The following LAPTM4B variants were observed in gnomAD, a reference collection of about 807,000 sequenced individuals.
LAPTM4B encodes the protein lysosomal-associated transmembrane protein 4B.
A neutral mutation model predicts 28.5 loss-of-function variants in LAPTM4B; 26 were observed. That is an observed-to-expected ratio of 0.91 (90% CI 0.67 to 1.27). LAPTM4B has a LOEUF of 1.27. Among genes scored for constraint, LAPTM4B ranks in the 50% most tolerant of loss-of-function variants. LAPTM4B has a pLI of 0.00. For missense variants in LAPTM4B, 288 were observed against 285.8 expected (o/e 1.01, Z -0.06); for synonymous variants, 109 against 106.4 (o/e 1.02, Z -0.15).
intron 5 of LAPTM4B, among the ~76,000 whole-genome samples, chr8:97,819,761 G>C (rs1415799885): frequency 8.8e-6 from 1 of 113,304 alleles, no homozygotes; most frequent in Non-Finnish European, 1.6e-5. Flanking sequence ...TTGAGATGGA[G>C]TCTCGCTCTG....
At chr8:97,825,447 G>C (rs1817078015) in intron 6 of LAPTM4B, among the ~76,000 whole-genome samples, 1 of 152,148 alleles carries the variant, frequency 6.6e-6, no homozygotes, top group African/African-American at 2.4e-5. Flanking sequence ...TCTTAAACCT[G>C]CATTGTTAAA....
intron 6 of LAPTM4B, among the ~76,000 whole-genome samples, chr8:97,850,333 G>A (rs1233530836): frequency 1.3e-5 from 2 of 151,714 alleles, no homozygotes; most frequent in African/African-American, 2.4e-5. Flanking sequence ...CCGTCACTCC[G>A]CAAACATCTG....
chr8:97,851,749 A>G lies in LAPTM4B; in HGVS notation c.*275A>G. ...GGCATTGAAACTTCCCCCAAATCTG[A>G]TGGACCTAGAAGTCTGCTTTTGTAC... On this transcript the variant is annotated 3_prime_UTR_variant, in exon 7 of 7. Transcript: ENST00000521545. 2.2e-6 allele frequency: 1 copy of G among 461,776 alleles called. No individual in the cohort carries two copies. Among genetic ancestry groups the G allele is most frequent in the South Asian group, 3.1e-5 (1 of 32,482 alleles). 28.6% of individuals were successfully genotyped at this position (461,776 alleles called of 1,614,324 possible). A position where few individuals can be genotyped will look rare whatever the true frequency, so the allele number is the denominator to read the frequency against.
intron 1 of LAPTM4B, among the ~76,000 whole-genome samples, chr8:97,799,153 C>T (rs532280890): frequency 8.5e-5 from 13 of 152,286 alleles, no homozygotes; most frequent in Admixed American, 8.5e-4. Flanking sequence ...TAAACCTCAC[C>T]ACCTAACATG....
At chr8:97,825,216 A>C in intron 6 of LAPTM4B, 63 bp downstream of exon 6, 1 of 788,584 alleles carries the variant, frequency 1.3e-6, no homozygotes, top group Non-Finnish European at 2.2e-6. Flanking sequence ...CTGATCTTTA[A>C]GTGTTTCTAG....
At chr8:97,818,647 A>AG (rs1192054285) in intron 4 of LAPTM4B, among the ~76,000 whole-genome samples, 5 of 152,224 alleles carry the variant, frequency 3.3e-5, no homozygotes, top group Non-Finnish European at 5.9e-5. Flanking sequence ...CTCTTTGCAA[A>AG]GAAGACCTCA....
intron 1 of LAPTM4B, among the ~76,000 whole-genome samples, chr8:97,802,701 G>C (rs960532660): frequency 1.1e-4 from 16 of 151,658 alleles, no homozygotes; most frequent in African/African-American, 3.6e-4. Context: ...GAGTCGCTTT[G>C]GTTCAGATGC....
intron 1 of LAPTM4B, among the ~76,000 whole-genome samples, chr8:97,786,605 C>G (rs546009577): frequency 1.3e-5 from 2 of 151,080 alleles, no homozygotes; most frequent in East Asian, 3.9e-4. Context: ...AGGCTGAGCC[C>G]GGAGAATCAC....
At chr8:97,795,097 GTTTA>G (rs890374743) in intron 1 of LAPTM4B, among the ~76,000 whole-genome samples, 10 of 152,152 alleles carry the variant, frequency 6.6e-5, no homozygotes, top group Non-Finnish European at 8.8e-5. Context: ...AGATTATAAT[GTTTA>G]TTTATTATTA....
Position 97,776,080 on chromosome 8 carries a change from G to T in LAPTM4B, c.71G>T (p.Gly24Val). The T allele has an allele frequency of 6.3e-7, 1 of 1,586,810 alleles. No homozygotes were observed. The highest frequency in any genetic ancestry group is 1.1e-5 in the South Asian group (1 of 90,000). ...SCCLCCHVRT[G>V]TILLGVWYLI... is the part of the protein sequence containing the mutation. ...TGCTTGTGCTGCCATGTCCGCACCG[G>T]CACCATCCTGCTCGGCGTCTGGTAT... Residue 24 changes from glycine (G) to valine (V), a missense_variant, in exon 1 of 7, where the codon GGC becomes GTC. Transcript: ENST00000521545.
chr8:97,846,681 A>G (rs1437615419), intron 6 of LAPTM4B, among the ~76,000 whole-genome samples: 1 of 152,054 alleles, frequency 6.6e-6, no homozygotes, highest in Non-Finnish European at 1.5e-5. Context: ...GCATTTTGTT[A>G]TTTATTATTA....
chr8:97,777,360 C>A (rs908988618), intron 1 of LAPTM4B, among the ~76,000 whole-genome samples: 1 of 151,806 alleles, frequency 6.6e-6, no homozygotes, highest in Non-Finnish European at 1.5e-5. Context: ...GTTGGCCAGG[C>A]TGGTCTCGAA....
intron 6 of LAPTM4B, among the ~76,000 whole-genome samples, chr8:97,850,480 G>GTGTGTGTGTGTGTGTGTGTGTA (rs1817507687): frequency 6.7e-6 from 1 of 150,066 alleles, no homozygotes; most frequent in African/African-American, 2.5e-5. Context: ...GTGTGTGTGT[G>GTGTGTGTGTGTGTGTGTGTGTA]TGTGTGTGTT....
chr8:97,798,823 C>T (rs1816629489), intron 1 of LAPTM4B, among the ~76,000 whole-genome samples: 1 of 152,104 alleles, frequency 6.6e-6, no homozygotes, highest in Admixed American at 6.5e-5. Context: ...CACATGAATA[C>T]CACAGGGCAA....
Position 97,852,535 on chromosome 8 carries a change from G to T in LAPTM4B, c.*1061G>T, listed in dbSNP as rs1453295309. ...TTACAAAGTCAGCAACTCTCCTGTTGGTTCATTATTGAATGTGCTGTAAAT... is the reference window on the plus strand; with the variant it reads ...TTACAAAGTCAGCAACTCTCCTGTTTGTTCATTATTGAATGTGCTGTAAAT... On this transcript the variant is annotated 3_prime_UTR_variant, in exon 7 of 7. Coordinates refer to ENST00000521545, the MANE Select transcript of LAPTM4B (RefSeq NM_018407.6). 6.6e-6 allele frequency: 1 copy of T among 152,224 alleles called. No individual in the cohort carries two copies. Among genetic ancestry groups the T allele is most frequent in the East Asian group, 1.9e-4 (1 of 5,200 alleles). The allele number at this position is 152,224 out of a possible 1,614,324, so 9.4% of individuals were successfully genotyped here.
intron 2 of LAPTM4B, among the ~76,000 whole-genome samples, chr8:97,807,887 T>TA (rs58830867): frequency 0.023 from 3,274 of 139,926 alleles, 121 homozygotes; most frequent in African/African-American, 0.082. Context: ...AGAGATAACT[T>TA]AAAAAAAAAA....
chr8:97,812,206 GT>G (rs144651693), intron 2 of LAPTM4B, among the ~76,000 whole-genome samples: 2 of 78,358 alleles, frequency 2.6e-5, no homozygotes, highest in African/African-American at 7.0e-5. Flanking sequence ...TTAATTATTT[GT>G]TTTTTTTTTG....
At chr8:97,807,775 T>C (rs1816776257) in intron 2 of LAPTM4B, among the ~76,000 whole-genome samples, 1 of 151,528 alleles carries the variant, frequency 6.6e-6, no homozygotes. Context: ...AACTAACTGG[T>C]AGTGAAGTAA....
At chr8:97,799,506 T>A (rs1197583144) in intron 1 of LAPTM4B, among the ~76,000 whole-genome samples, 1 of 152,196 alleles carries the variant, frequency 6.6e-6, no homozygotes, top group African/African-American at 2.4e-5. Context: ...ATCAGGTGAC[T>A]TCAGGTTATC....
Sources: allele counts gnomAD v4.1 joint callset (sites outside exome capture counted in the v4.1 genomes callset), GRCh38; gene constraint gnomAD v4.1.1; transcripts MANE v1.5; gene names NCBI Gene and HGNC (gene_info 2026-07-23, HGNC 2026-07-21).